Variants in PLCH2 observed in about 807,000 individuals in gnomAD.
PLCH2 encodes the protein phospholipase C eta 2, also known as 1-phosphatidylinositol 4,5-bisphosphate phosphodiesterase eta-2.
PLCH2 carries 98 observed loss-of-function variants against 134.7 expected under a neutral mutation model. The observed-to-expected ratio is 0.73, with a 90% confidence interval of 0.62 to 0.86. The LOEUF (loss-of-function observed/expected upper bound fraction) is 0.86. Among genes scored for constraint, PLCH2 ranks in the 40% least tolerant of loss-of-function variants. The pLI is 0.00. For synonymous variants in PLCH2, 974 were observed against 827.5 expected (o/e 1.18, Z -3.04); for missense variants, 1,994 against 1,986.6 (o/e 1.00, Z -0.07).
chr1:2,502,941 C>T (rs775836761), intron 21 of PLCH2: 11 of 717,074 alleles, frequency 1.5e-5, no homozygotes, highest in South Asian at 1.0e-4. Context: ...GTGGTCCTCC[C>T]GCACGCCCCT....
rs1639612260 is a variant in PLCH2, at chr1:2,439,947, G to A, written c.115+9318G>A. 6.6e-6 allele frequency among the ~76,000 whole-genome samples: 1 copy of A among 152,118 alleles called. No homozygotes were observed. The highest frequency in any genetic ancestry group is 2.4e-5 in the African/African-American group (1 of 41,438). ...AAGGTCATGTCCGGGACACTGCGGG[G>A]GACAAGGCAACCAGGGAGGCTTCCC... On this transcript the variant is annotated intron_variant, in intron 2 of 3. Transcript: ENST00000609981. This position sits in a 1 kb window ranked among gnomAD's most constrained non-coding sequence, Gnocchi z 4.7.
At chr1:2,464,884 C>G (rs1640983642), upstream of PLCH2, among the ~76,000 whole-genome samples, 1 of 152,196 alleles carries the variant, frequency 6.6e-6, no homozygotes, top group South Asian at 2.1e-4. Flanking sequence ...GGCCAGCTCT[C>G]AGTCAACTCA....
At chr1:2,459,036 T>A (rs1640639994) in intron 2 of PLCH2, among the ~76,000 whole-genome samples, 1 of 152,156 alleles carries the variant, frequency 6.6e-6, no homozygotes, top group African/African-American at 2.4e-5. Context: ...CCTGGCCCCC[T>A]CATTGCAGAC....
At chr1:2,497,648 C>A in intron 16 of PLCH2, 39 bp downstream of exon 16, 1 of 1,331,768 alleles carries the variant, frequency 7.5e-7, no homozygotes, top group Non-Finnish European at 1.1e-6. Flanking sequence ...ACGCTCAGGG[C>A]TCGGATGGGC....
Position 2,503,975 on chromosome 1 carries a change from A to G in PLCH2, c.3013A>G (p.Thr1005Ala). 3 of 1,510,270 alleles carry G rather than the reference A, an allele frequency of 2.0e-6. No homozygotes were observed. Among genetic ancestry groups the G allele is most frequent in the South Asian group, 1.2e-5 (1 of 82,986 alleles). The allele number at this position is 1,510,270 out of a possible 1,614,324, so 93.6% of individuals were successfully genotyped here. Residue 1005 changes from threonine to alanine, a missense_variant, in exon 22 of 22, where the codon ACC (threonine) becomes GCC (alanine). Physicochemically the swap from Thr to Ala is moderately conservative, Grantham distance 58. Around this residue, in one of 2 missense-constraint regions of PLCH2, gnomAD observed 900 missense variants for 752.3 expected, o/e 1.20. Coordinates refer to ENST00000378486, the MANE Select transcript of PLCH2 (RefSeq NM_014638.4). ...ACTCCCCCCACTGTGCAGCCTGGAAACCATCGCTGAGGAGCCCGCCCCAGG... is the reference window on the plus strand; with the variant it reads ...ACTCCCCCCACTGTGCAGCCTGGAAGCCATCGCTGAGGAGCCCGCCCCAGG... ...RPLPPLCSLETIAEEPAPGPG... is the reference protein window; with the variant it reads ...RPLPPLCSLEAIAEEPAPGPG...
chr1:2,461,549 C>T (rs1302080455), intron 2 of PLCH2, among the ~76,000 whole-genome samples: 2 of 152,178 alleles, frequency 1.3e-5, no homozygotes, highest in African/African-American at 4.8e-5. Context: ...GTGGCTGGCT[C>T]AGCTTTCGCT....
At chr1:2,478,679 A>G (rs1641781207) in intron 2 of PLCH2, 57 bp downstream of exon 2, 2 of 1,523,288 alleles carry the variant, frequency 1.3e-6, no homozygotes, top group Non-Finnish European at 1.8e-6. Context: ...ACACGACGGT[A>G]GGGACCCTCC....
At chr1:2,484,205 G>C (rs1642172057) in intron 4 of PLCH2, among the ~76,000 whole-genome samples, 1 of 152,144 alleles carries the variant, frequency 6.6e-6, no homozygotes, top group Non-Finnish European at 1.5e-5. Context: ...GTGGCTGTGG[G>C]TTGAAGGTGA....
chr1:2,428,153 C>T (rs898324212), intron 1 of PLCH2, among the ~76,000 whole-genome samples: 1 of 152,200 alleles, frequency 6.6e-6, no homozygotes, highest in African/African-American at 2.4e-5. Flanking sequence ...CCCCGAGTGA[C>T]GTTGTCAGTG....
Position 2,504,897 on chromosome 1 carries a change from C to A in PLCH2, c.3935C>A (p.Ala1312Glu). Residue 1312 changes from alanine to glutamate, a missense_variant, in exon 22 of 22, where the codon GCA (alanine) becomes GAA (glutamate). Transcript: ENST00000378486. ...CGCTGGCTCACTGTCTTCCAGCAGG[C>A]AGGAGACATCACGTCACCCACCAGC... is the stretch of plus-strand genomic sequence containing the variant. ...QLRWLTVFQQ[A>E]GDITSPTSLG... is the part of the protein sequence containing the mutation. 6.3e-7 allele frequency: 1 copy of A among 1,585,336 alleles called. No homozygotes were observed. Among genetic ancestry groups the A allele is most frequent in the Non-Finnish European group, 8.6e-7 (1 of 1,165,172 alleles).
intron 20 of PLCH2, chr1:2,500,680 G>A (rs922514068): frequency 5.3e-5 from 8 of 152,234 alleles, no homozygotes; most frequent in Admixed American, 2.0e-4. Flanking sequence ...CGTGGATCAT[G>A]ACATGGCTCC....
At chr1:2,482,162 C>T (rs916224077) in intron 4 of PLCH2, among the ~76,000 whole-genome samples, 1 of 152,228 alleles carries the variant, frequency 6.6e-6, no homozygotes, top group Admixed American at 6.5e-5. Flanking sequence ...CAGGGGTGTT[C>T]TAGGGTGGGG....
intron 4 of PLCH2, among the ~76,000 whole-genome samples, chr1:2,483,765 G>GGT (rs1642105555): frequency 1.2e-4 from 2 of 16,298 alleles, no homozygotes; most frequent in Admixed American, 9.7e-4. Context: ...ACCCCCGTTT[G>GGT]GGGGGGCGCT....
At position 2,499,909 on chromosome 1, in the gene PLCH2, T is replaced by A. The variant is rs1643123717; in HGVS notation, c.2661+189T>A. ...GGGGGCCTGGCTCCTGAGCCACCAG[T>A]GCCCACCTCTGATCTCAGGGCTGGC... is the stretch of plus-strand genomic sequence containing the variant. On this transcript the variant is annotated intron_variant, in intron 20 of 21. Transcript: ENST00000378486. 7 of 624,042 alleles carry A rather than the reference T, an allele frequency of 1.1e-5. No individual in the cohort carries two copies. In the East Asian group the frequency reaches 1.9e-4, roughly 17 times the overall value. 38.7% of individuals were successfully genotyped at this position (624,042 alleles called of 1,614,324 possible).
Position 2,487,009 on chromosome 1 carries a change from G to A in PLCH2, c.910+9G>A. The A allele has an allele frequency of 6.3e-7, 1 of 1,585,068 alleles. No individual in the cohort carries two copies. The highest frequency in any genetic ancestry group is 1.2e-5 in the South Asian group (1 of 86,738). On this transcript the variant is annotated intron_variant, in intron 6 of 21. Transcript: ENST00000378486. ...GCTGCTGGGCATTGATGGTGAGTGG[G>A]GCGCTGCCCTCAGCCCAGCTGTCCT...
intron 5 of PLCH2, among the ~76,000 whole-genome samples, chr1:2,485,861 C>T (rs1033356857): frequency 6.6e-6 from 1 of 152,202 alleles, no homozygotes; most frequent in Non-Finnish European, 1.5e-5. Context: ...TACCACAAAC[C>T]CAGAGCTGGC....
rs1268947269 is a variant in PLCH2, at chr1:2,444,371, T to G, written c.115+13742T>G. Among the ~76,000 whole-genome samples the G allele has an allele frequency of 6.6e-6, 1 of 151,966 alleles. No homozygotes were observed. The highest frequency in any genetic ancestry group is 1.5e-5 in the Non-Finnish European group (1 of 67,960). ...GGGTCCGGGAGGTGCTGCGTGGACT[T>G]GCCGCATGGCACATCTGCCTGGGCT... On this transcript the variant is annotated intron_variant, in intron 2 of 3. Coordinates refer to the PLCH2 transcript ENST00000609981. This position sits in a 1 kb window ranked among gnomAD's most constrained non-coding sequence, Gnocchi z 4.6.
chr1:2,453,230 A>G (rs924620002), intron 2 of PLCH2, among the ~76,000 whole-genome samples: 1 of 151,102 alleles, frequency 6.6e-6, no homozygotes, highest in African/African-American at 2.4e-5. Flanking sequence ...CAGTGCCCCC[A>G]CTGTGCTCGA....
At chr1:2,416,676 G>C in the PLCH2 span, among the ~76,000 whole-genome samples, 1 of 152,254 alleles carries the variant, frequency 6.6e-6, no homozygotes, top group Non-Finnish European at 1.5e-5. Flanking sequence ...GGCAGGAAGT[G>C]CTGGTGGATG....
Sources: gnomAD v4.1 joint callset for allele counts (sites outside exome capture counted in the v4.1 genomes callset) on GRCh38, gnomAD v4.1.1 for gene constraint, gnomAD v4.1.1 regional missense constraint, Gnocchi (gnomAD v3.1) non-coding constraint, MANE v1.5 for transcripts, NCBI Gene and HGNC (gene_info 2026-07-23, HGNC 2026-07-21) for gene names.